DROSHA: variants seen among roughly 807,000 people sequenced by gnomAD.
The protein encoded by DROSHA is ribonuclease 3.
In DROSHA, 56 loss-of-function variants were observed where a neutral mutation model predicts 181.9. The ratio of observed to expected loss-of-function variants is 0.31; its 90% CI spans 0.25 to 0.38. DROSHA has a LOEUF of 0.38. DROSHA is among the 10% of genes least tolerant of loss of function. The pLI is 1.00. For synonymous variants in DROSHA, 524 were observed against 591.2 expected (o/e 0.89, Z 1.65); for missense variants, 1,218 against 1,743.5 (o/e 0.70, Z 5.37).
Position 31,447,810 on chromosome 5 carries a change from T to C in DROSHA, c.2882+737A>G, listed in dbSNP as rs76202199. 7.3e-4 allele frequency among the ~76,000 whole-genome samples: 111 copies of C among 152,288 alleles called. No individual in the cohort carries two copies. In the Middle Eastern group the frequency reaches 0.01, roughly 14 times the overall value. On this transcript the variant is annotated intron_variant, in intron 23 of 35. Coordinates refer to ENST00000344624, the MANE Select transcript of DROSHA (RefSeq NM_001382508.1). ...AAAACCATAATGAGATAATACTTCA[T>C]ATTCACTAGAATAGAAGGGCTAGAA...
chr5:31,488,234 T>C (rs1752007298), intron 13 of DROSHA, among the ~76,000 whole-genome samples: 1 of 151,862 alleles, frequency 6.6e-6, no homozygotes, highest in Non-Finnish European at 1.5e-5. Flanking sequence ...CTGGCCAACA[T>C]GGTGAAACCC....
At chr5:31,438,820 T>G (rs1048618611) in intron 23 of DROSHA, among the ~76,000 whole-genome samples, 1 of 150,904 alleles carries the variant, frequency 6.6e-6, no homozygotes, top group African/African-American at 2.4e-5. Flanking sequence ...ACCCAGGGAG[T>G]GCCGAAGTTG....
In DROSHA at chr5:31,409,040, G is replaced by A. The variant is rs1447442572; in HGVS notation, c.3854+16C>T. On this transcript the variant is annotated intron_variant, in intron 33 of 35. Coordinates refer to ENST00000344624, the MANE Select transcript of DROSHA (RefSeq NM_001382508.1). This position sits in a 1 kb window ranked among gnomAD's most constrained non-coding sequence, Gnocchi z 4.0. ...TGCTGGATCCAACCAATGGCCTGCAGGCAACAAGTACTTACTTGTACAGAG... is the reference window on the plus strand; with the variant it reads ...TGCTGGATCCAACCAATGGCCTGCAAGCAACAAGTACTTACTTGTACAGAG... 1.0e-5 allele frequency: 16 copies of A among 1,607,908 alleles called. No individual in the cohort carries two copies. Among genetic ancestry groups the A allele is most frequent in the Non-Finnish European group, 1.3e-5 (15 of 1,175,890 alleles).
At position 31,422,936 on chromosome 5, in the gene DROSHA, C is replaced by T. The variant is rs374888259; in HGVS notation, c.3270G>A (p.Glu1090=). The change falls in exon 29 of 36, where the codon GAG becomes GAA. Residue 1090 remains glutamate (E), a synonymous_variant. Transcript: ENST00000344624. ...CAATAAGTTGTCGATCAGTATTTGG[C>T]TCTTGTAGCTACAGGAAAATAGAAA... ...NYPLHPLQLQ[E]PNTDRQLIET... is the part of the protein sequence containing the mutation. The T allele has an allele frequency of 1.1e-5, 17 of 1,573,826 alleles. No individual in the cohort carries two copies. The African/African-American group carries it at 1.7e-4, about 15-fold the overall frequency.
At chr5:31,522,273 C>A (rs1008346816) in intron 5 of DROSHA, among the ~76,000 whole-genome samples, 1 of 152,142 alleles carries the variant, frequency 6.6e-6, no homozygotes, top group African/African-American at 2.4e-5. Context: ...CTACATTCTT[C>A]ATCTCATACA....
rs993439331 is a variant in DROSHA at position 31,470,784 on chromosome 5, G to T, written c.2241+1279C>A. Among the ~76,000 whole-genome samples, 3 of 151,930 alleles carry T rather than the reference G, an allele frequency of 2.0e-5. No individual in the cohort carries two copies. The highest frequency in any genetic ancestry group is 2.9e-5 in the Non-Finnish European group (2 of 68,002). On this transcript the variant is annotated intron_variant, in intron 17 of 35. Transcript: ENST00000344624. This position sits in a 1 kb window ranked among gnomAD's most constrained non-coding sequence, Gnocchi z 4.0. ...CCATGGAAGGAAGTCCAGGGTGAACGTGCTCCCCCCGTGTCTACCACAGAA... is the reference window on the plus strand; with the variant it reads ...CCATGGAAGGAAGTCCAGGGTGAACTTGCTCCCCCCGTGTCTACCACAGAA...
Position 31,448,675 on chromosome 5 carries a change from A to G in DROSHA, c.2822-68T>C, listed in dbSNP as rs144906306. On this transcript the variant is annotated intron_variant, in intron 22 of 35. Coordinates refer to ENST00000344624, the MANE Select transcript of DROSHA (RefSeq NM_001382508.1). ...AAGAATTATAGGACCATCATATTAC[A>G]GTAGAAAAAAATTATCTCATCTCAA... 8.1e-4 allele frequency: 999 copies of G among 1,237,612 alleles called. 4 individuals are homozygous for G. The African/African-American group carries it at 0.013, about 16-fold the overall frequency. The allele number at this position is 1,237,612 out of a possible 1,614,324, so 76.7% of individuals were successfully genotyped here. A position where few individuals can be genotyped will look rare whatever the true frequency, so the allele number is the denominator to read the frequency against.
chr5:31,414,135 A>ATGTGAAGAAGACTGCACTTTCC lies in DROSHA; in HGVS notation c.3526-3270_3526-3249dup, dbSNP rs1579998439. Among the ~76,000 whole-genome samples the ATGTGAAGAAGACTGCACTTTCC allele has an allele frequency of 2.6e-5, 4 of 152,274 alleles. No homozygotes were observed. In the East Asian group the frequency reaches 7.7e-4, roughly 29 times the overall value. On this transcript the variant is annotated intron_variant, in intron 30 of 35. Transcript: ENST00000344624. ...GCTGATGCAGTGAGGCTGGCAGGTG[A>ATGTGAAGAAGACTGCACTTTCC]TGTGAAGAAGACTGCACTTTCCTGT...
chr5:31,444,845 A>G (rs1746060375), intron 23 of DROSHA, among the ~76,000 whole-genome samples: 1 of 152,218 alleles, frequency 6.6e-6, no homozygotes, highest in Non-Finnish European at 1.5e-5. Flanking sequence ...TCAAACAAGA[A>G]TTTTAAAGCT....
chr5:31,456,902 C>A (rs566508975), intron 20 of DROSHA, among the ~76,000 whole-genome samples: 10 of 152,150 alleles, frequency 6.6e-5, no homozygotes, highest in African/African-American at 2.4e-4. Flanking sequence ...GCTAGGACAA[C>A]AGGTGTGCAC....
At chr5:31,491,155 T>C (rs1752353878) in intron 13 of DROSHA, among the ~76,000 whole-genome samples, 1 of 143,998 alleles carries the variant, frequency 6.9e-6, no homozygotes, top group African/African-American at 2.6e-5. Flanking sequence ...CTATCATTAA[T>C]GAAGTTCAAA....
rs1739990475 is a variant in DROSHA, at chr5:31,401,477, C to G, written c.4080G>C (p.Glu1360Asp). ...QELKEMRWER[E>D]HQEREPDETE... The stretch of plus-strand genomic sequence containing the variant: ...TCTCATCTGGCTCTCTCTCTTGATG[C>G]TCTCTTTCCCACCTCATTTCTTTTA... Residue 1360 changes from glutamate to aspartate, a missense_variant, in exon 36 of 36, where the codon GAG (glutamate) becomes GAC (aspartate). By Grantham distance (45) the Glu-to-Asp change is conservative (BLOSUM62 2). This residue lies in a region of DROSHA where 32 missense variants were observed against 29.2 expected (regional missense o/e 1.09). Transcript: ENST00000344624. The G allele has an allele frequency of 6.2e-7, 1 of 1,613,210 alleles. No homozygotes were observed. The highest frequency in any genetic ancestry group is 1.3e-5 in the African/African-American group (1 of 75,014).
At chr5:31,449,444 A>C in intron 21 of DROSHA, 25 bp from the exon 22 acceptor site, 2 of 1,548,776 alleles carry the variant, frequency 1.3e-6, no homozygotes, top group Non-Finnish European at 1.7e-6. Context: ...AAATAAGTTC[A>C]GTCTTTAAAA....
At chr5:31,504,524 A>C (rs1298730351) in intron 11 of DROSHA, 31 bp downstream of exon 11, 1 of 1,611,144 alleles carries the variant, frequency 6.2e-7, no homozygotes, top group Non-Finnish European at 8.5e-7. Flanking sequence ...GCTTCTCAGC[A>C]TTTACAAACA....
intron 26 of DROSHA, among the ~76,000 whole-genome samples, chr5:31,431,366 C>CAAAAAAAGAA: frequency 1.7e-5 from 1 of 57,648 alleles, no homozygotes; most frequent in Admixed American, 2.3e-4. Flanking sequence ...CAGTAGAATG[C>CAAAAAAAGAA]AAAAAAAAAA....
chr5:31,447,274 A>G (rs539819090), intron 23 of DROSHA, among the ~76,000 whole-genome samples: 1 of 152,324 alleles, frequency 6.6e-6, no homozygotes, highest in African/African-American at 2.4e-5. Context: ...AGGAATAATA[A>G]CTAATAGCTA....
At chr5:31,503,237 G>T (rs1003900038) in intron 11 of DROSHA, among the ~76,000 whole-genome samples, 4 of 152,138 alleles carry the variant, frequency 2.6e-5, no homozygotes, top group Non-Finnish European at 4.4e-5. Flanking sequence ...CTTCACATGA[G>T]CCCAACAGCA....
At chr5:31,449,556 C>G in intron 21 of DROSHA, 137 bp from the exon 22 acceptor site, 1 of 925,670 alleles carries the variant, frequency 1.1e-6, no homozygotes, top group East Asian at 2.7e-5. Flanking sequence ...AGTGAGACGC[C>G]ATCTCTACAA....
intron 9 of DROSHA, among the ~76,000 whole-genome samples, chr5:31,509,288 T>G (rs140326898): frequency 1.6e-3 from 234 of 149,010 alleles, no homozygotes; most frequent in Middle Eastern, 3.4e-3. Flanking sequence ...CACAATCTAG[T>G]TGGGGAAGCA....
Sources: gnomAD v4.1 joint callset for allele counts (sites outside exome capture counted in the v4.1 genomes callset) on GRCh38, gnomAD v4.1.1 for gene constraint, gnomAD v4.1.1 regional missense constraint, Gnocchi (gnomAD v3.1) non-coding constraint, MANE v1.5 for transcripts, NCBI Gene and HGNC (gene_info 2026-07-23, HGNC 2026-07-21) for gene names.